RBFOX3: variants seen among roughly 807,000 people sequenced by gnomAD.
RBFOX3 encodes RNA binding fox-1 homolog 3.
RBFOX3 carries 17 observed loss-of-function variants against 48.7 expected under a neutral mutation model. The ratio of observed to expected loss-of-function variants is 0.35; its 90% CI spans 0.24 to 0.52. The LOEUF is 0.52. Ranked by LOEUF, RBFOX3 falls within the 20% of genes least tolerant of loss-of-function variation. The pLI is 0.94. For missense variants in RBFOX3, 382 were observed against 497.5 expected, an observed-to-expected ratio of 0.77 and a Z score of 2.21; for synonymous variants, 212 against 209.5, an observed-to-expected ratio of 1.01 and a Z score of -0.10.
chr17:79,305,598 G>A (rs1234640599), intron 3 of RBFOX3, among the ~76,000 whole-genome samples: 1 of 152,134 alleles, frequency 6.6e-6, no homozygotes, highest in Non-Finnish European at 1.5e-5. Context: ...AAGACTTTGG[G>A]GAAGTCACGG....
At chr17:79,141,794 C>A (rs1173841643) in intron 4 of RBFOX3, among the ~76,000 whole-genome samples, 4 of 152,148 alleles carry the variant, frequency 2.6e-5, no homozygotes, top group Non-Finnish European at 4.4e-5. Context: ...GAGCGGACGA[C>A]ACAGTGCCCC....
At chr17:79,433,222 C>T (rs1214286255) in intron 2 of RBFOX3, among the ~76,000 whole-genome samples, 2 of 152,190 alleles carry the variant, frequency 1.3e-5, no homozygotes, top group Admixed American at 1.3e-4. Flanking sequence ...GTTCCCAGGG[C>T]CACCTTGGGA....
At chr17:79,547,765 A>T (rs1390388569) in intron 1 of RBFOX3, among the ~76,000 whole-genome samples, 3 of 152,200 alleles carry the variant, frequency 2.0e-5, no homozygotes, top group African/African-American at 7.2e-5. Context: ...TTTAGGGGGC[A>T]GCAGGCAGGG....
upstream of RBFOX3, among the ~76,000 whole-genome samples, chr17:79,614,971 T>A (rs1220090673): frequency 6.6e-6 from 1 of 151,236 alleles, no homozygotes; most frequent in Non-Finnish European, 1.5e-5. Flanking sequence ...TACTTAAGAA[T>A]TTTTTTCCAG....
At chr17:79,270,814 T>C (rs984562489) in intron 3 of RBFOX3, among the ~76,000 whole-genome samples, 2 of 152,268 alleles carry the variant, frequency 1.3e-5, no homozygotes, top group African/African-American at 4.8e-5. Flanking sequence ...CCCACTGGCA[T>C]GACCATGACA....
chr17:79,608,024 C>T (rs945858050), intron 1 of RBFOX3, among the ~76,000 whole-genome samples: 1 of 152,218 alleles, frequency 6.6e-6, no homozygotes. Context: ...CCTCGGGAGC[C>T]CTCCCCATGT....
intron 2 of RBFOX3, among the ~76,000 whole-genome samples, chr17:79,341,090 C>T (rs1444890052): frequency 1.3e-5 from 2 of 152,230 alleles, no homozygotes; most frequent in East Asian, 1.9e-4. Context: ...TGAGTGTTTG[C>T]GGGTGTGTGT....
chr17:79,446,085 G>C (rs1275824740), intron 2 of RBFOX3, among the ~76,000 whole-genome samples: 1 of 152,200 alleles, frequency 6.6e-6, no homozygotes, highest in Non-Finnish European at 1.5e-5. Context: ...CTGAGGTTTA[G>C]AAACCCTGCC....
At chr17:79,656,793 A>AG in the RBFOX3 span, among the ~76,000 whole-genome samples, 1 of 20,620 alleles carries the variant, frequency 4.8e-5, no homozygotes, top group Non-Finnish European at 1.0e-4. Context: ...AAAGAAAGAA[A>AG]GAAAGAAAGA....
intron 1 of RBFOX3, among the ~76,000 whole-genome samples, chr17:79,582,779 T>C (rs1290196577): frequency 7.3e-5 from 5 of 68,252 alleles, no homozygotes; most frequent in African/African-American, 3.1e-4. Context: ...CAAGACCCCG[T>C]CTCAAAAAAA....
intron 4 of RBFOX3, among the ~76,000 whole-genome samples, chr17:79,152,676 A>G (rs2044821267): frequency 6.6e-6 from 1 of 152,156 alleles, no homozygotes; most frequent in African/African-American, 2.4e-5. Flanking sequence ...GGAAAGAACA[A>G]TGTCACAGCC....
At chr17:79,632,066 C>T in the RBFOX3 span, among the ~76,000 whole-genome samples, 5 of 152,218 alleles carry the variant, frequency 3.3e-5, no homozygotes, top group Non-Finnish European at 5.9e-5. Context: ...GCGAGCCCTC[C>T]GCGCTGCAGG....
chr17:79,495,575 GGAT>G, intron 1 of RBFOX3, among the ~76,000 whole-genome samples: 5 of 31,552 alleles, frequency 1.6e-4, no homozygotes, highest in African/African-American at 4.0e-4. Flanking sequence ...GCAGGGATGG[GGAT>G]GTGGGAAGGT....
the RBFOX3 span, among the ~76,000 whole-genome samples, chr17:79,659,100 C>T: frequency 1.3e-5 from 2 of 152,126 alleles, no homozygotes; most frequent in Non-Finnish European, 2.9e-5. Flanking sequence ...CGTGAGTGGC[C>T]GCCTTGGTCA....
intron 2 of RBFOX3, among the ~76,000 whole-genome samples, chr17:79,431,838 T>C (rs1750418990): frequency 6.6e-6 from 1 of 152,238 alleles, no homozygotes; most frequent in African/African-American, 2.4e-5. Context: ...ATCTTGAGTG[T>C]ACAGTCAGTG....
At chr17:79,618,536 G>A in the RBFOX3 span, among the ~76,000 whole-genome samples, 1 of 152,196 alleles carries the variant, frequency 6.6e-6, no homozygotes, top group Non-Finnish European at 1.5e-5. Flanking sequence ...CAGAAGTAGA[G>A]TCCTTGTCCC....
chr17:79,385,510 G>C (rs1444572302), intron 2 of RBFOX3, among the ~76,000 whole-genome samples: 1 of 152,116 alleles, frequency 6.6e-6, no homozygotes, highest in Non-Finnish European at 1.5e-5. Context: ...CCTGTTCCTG[G>C]CCACAGTGAT....
chr17:79,439,751 T>C (rs1186824862), intron 2 of RBFOX3, among the ~76,000 whole-genome samples: 1 of 152,206 alleles, frequency 6.6e-6, no homozygotes, highest in Non-Finnish European at 1.5e-5. Context: ...TGCACATGTG[T>C]GCGTAAGTGC....
the RBFOX3 span, among the ~76,000 whole-genome samples, chr17:79,661,768 G>T: frequency 6.6e-6 from 1 of 152,170 alleles, no homozygotes; most frequent in African/African-American, 2.4e-5. Flanking sequence ...CCTTAGGACT[G>T]GCAACCTATT....
Sources: allele counts gnomAD v4.1 joint callset (sites outside exome capture counted in the v4.1 genomes callset), GRCh38; gene constraint gnomAD v4.1.1; transcripts MANE v1.5; gene names NCBI Gene and HGNC (gene_info 2026-07-23, HGNC 2026-07-21).